The following CCDC92 variants were observed in gnomAD, a reference collection of about 807,000 sequenced individuals.
The protein encoded by CCDC92 is coiled-coil domain containing 92.
Under a neutral mutation model 24.9 loss-of-function variants are expected in CCDC92, and 12 were observed. That is an observed-to-expected ratio of 0.48 (90% CI 0.31 to 0.78). The LOEUF (loss-of-function observed/expected upper bound fraction) is 0.78. Ranked by LOEUF, CCDC92 falls within the 30% of genes least tolerant of loss-of-function variation. The probability of loss-of-function intolerance (pLI) is 0.05; values close to 1 mark genes in which losing one functional copy is unlikely to be tolerated. For missense variants in CCDC92, 399 were observed against 439.4 expected (o/e 0.91, Z 0.82); for synonymous variants, 193 against 196.3 (o/e 0.98, Z 0.14).
intron 1 of CCDC92, among the ~76,000 whole-genome samples, chr12:123,961,993 A>G (rs1956282218): frequency 6.6e-6 from 1 of 152,202 alleles, no homozygotes; most frequent in Non-Finnish European, 1.5e-5. Flanking sequence ...ATAAAAGTGC[A>G]TATCCCGCAC....
intron 1 of CCDC92, among the ~76,000 whole-genome samples, chr12:123,957,555 A>G (rs1257968345): frequency 1.3e-5 from 2 of 152,208 alleles, no homozygotes; most frequent in African/African-American, 4.8e-5. Flanking sequence ...CCCTGGGTCT[A>G]AGGCATCTGG....
At chr12:123,949,833 G>A (rs984251120) in intron 1 of CCDC92, among the ~76,000 whole-genome samples, 2 of 152,258 alleles carry the variant, frequency 1.3e-5, no homozygotes, top group African/African-American at 4.8e-5. Context: ...CAACGTGTCT[G>A]AGGAAGGCCC....
intron 1 of CCDC92, among the ~76,000 whole-genome samples, chr12:123,949,257 G>A (rs957468463): frequency 6.6e-6 from 1 of 152,242 alleles, no homozygotes; most frequent in Admixed American, 6.5e-5. Context: ...TGCACTTTCT[G>A]TGTCAAAAGG....
chr12:123,954,835 AGCGGGCG>A (rs1956113341), intron 1 of CCDC92, among the ~76,000 whole-genome samples: 1 of 152,258 alleles, frequency 6.6e-6, no homozygotes, highest in African/African-American at 2.4e-5. Flanking sequence ...CCAGGAGGCC[AGCGGGCG>A]GCAGACCCCA....
chr12:123,937,219 G>A lies in CCDC92; in HGVS notation c.835C>T (p.Pro279Ser), dbSNP rs769392304. 1.2e-6 allele frequency: 2 copies of A among 1,610,062 alleles called. No individual in the cohort carries two copies. The highest frequency in any genetic ancestry group is 2.2e-5 in the East Asian group (1 of 44,854). The part of the protein sequence containing the change: ...ASDRSGEQHS[P>S]AREKPHKAHV... ...GCCTTGTGCGGCTTTTCGCGGGCCG[G>A]GCTGTGCTGCTCGCCGCTTCGGTCG... The change falls in exon 5 of 5, where the codon CCG becomes TCG. Residue 279 changes from proline (P) to serine (S), a missense_variant. Physicochemically the swap from Pro to Ser is moderately conservative, Grantham distance 74. Coordinates refer to ENST00000238156, the MANE Select transcript of CCDC92 (RefSeq NM_025140.3). This position sits in a 1 kb window ranked among gnomAD's most constrained non-coding sequence, Gnocchi z 8.4.
At position 123,937,382 on chromosome 12, in the gene CCDC92, G is replaced by C. The variant is rs766488444; in HGVS notation, c.672C>G (p.Phe224Leu). Residue 224 changes from phenylalanine to leucine, a missense_variant, in exon 5 of 5, where the codon TTC (phenylalanine) becomes TTG (leucine). By Grantham distance (22) the Phe-to-Leu change is conservative (BLOSUM62 0). Coordinates refer to ENST00000238156, the MANE Select transcript of CCDC92 (RefSeq NM_025140.3). This position sits in a 1 kb window ranked among gnomAD's most constrained non-coding sequence, Gnocchi z 8.4. ...LHPEFEEVYR[F>L]GAESRKLLLR... ...AAAGGAGTTTCCTGCTCTCTGCCCC[G>C]AATCTGTAGACCTCTTCAAATTCCG... The C allele has an allele frequency of 1.2e-6, 2 of 1,614,022 alleles. No individual in the cohort carries two copies. The highest frequency in any genetic ancestry group is 1.7e-6 in the Non-Finnish European group (2 of 1,180,032).
chr12:123,948,073 A>C (rs944759225), intron 1 of CCDC92, among the ~76,000 whole-genome samples: 3 of 152,202 alleles, frequency 2.0e-5, no homozygotes, highest in Non-Finnish European at 4.4e-5. Context: ...TCTTGAAGTC[A>C]GTGAGACCAA....
rs530095843 is a variant in CCDC92, at chr12:123,944,427, G to A, written c.-59-63C>T. On this transcript the variant is annotated intron_variant, in intron 1 of 4. Transcript: ENST00000238156. ...TATTGTAAATACAGAACCTCAGAAT[G>A]CATTTTCCCTAATTTGCTATTCCAG... The A allele has an allele frequency of 1.4e-4, 126 of 925,558 alleles. 1 individual carries two copies. In the African/African-American group the frequency reaches 1.5e-3, roughly 11 times the overall value. 57.3% of individuals were successfully genotyped at this position (925,558 alleles called of 1,614,324 possible).
At chr12:123,965,776 C>T (rs1192461428) in intron 1 of CCDC92, among the ~76,000 whole-genome samples, 1 of 152,188 alleles carries the variant, frequency 6.6e-6, no homozygotes, top group Non-Finnish European at 1.5e-5. Context: ...CTGGTACACA[C>T]CAACAAGAAG....
At chr12:123,969,441 CTT>C (rs1429863505) in intron 1 of CCDC92, among the ~76,000 whole-genome samples, 3 of 142,044 alleles carry the variant, frequency 2.1e-5, no homozygotes, top group South Asian at 2.3e-4. Flanking sequence ...AGAATCATCT[CTT>C]ATATCATCTC....
chr12:123,950,479 A>G (rs1255135350), intron 1 of CCDC92, among the ~76,000 whole-genome samples: 1 of 152,238 alleles, frequency 6.6e-6, no homozygotes, highest in African/African-American at 2.4e-5. Context: ...ATACCAGCAA[A>G]GGTTCCTAGG....
intron 1 of CCDC92, among the ~76,000 whole-genome samples, chr12:123,959,305 T>G (rs1157893264): frequency 1.3e-5 from 2 of 152,226 alleles, no homozygotes; most frequent in East Asian, 3.9e-4. Context: ...ACACCAAATG[T>G]CTGACTGCCA....
intron 1 of CCDC92, among the ~76,000 whole-genome samples, chr12:123,948,099 G>A (rs982076892): frequency 3.9e-5 from 6 of 152,090 alleles, no homozygotes; most frequent in East Asian, 1.9e-4. Context: ...CACCAATTCC[G>A]GACACACTTC....
chr12:123,962,106 G>A (rs532186192), intron 1 of CCDC92, among the ~76,000 whole-genome samples: 14 of 151,836 alleles, frequency 9.2e-5, no homozygotes, highest in Non-Finnish European at 1.5e-4. Context: ...CTACTCTTTC[G>A]TGCCAGATGC....
chr12:123,965,345 A>G (rs1956367354), intron 1 of CCDC92, among the ~76,000 whole-genome samples: 1 of 152,220 alleles, frequency 6.6e-6, no homozygotes, highest in African/African-American at 2.4e-5. Context: ...TCTTCTCAAT[A>G]AAGAGGAATC....
chr12:123,964,652 A>G (rs1242317995), intron 1 of CCDC92, among the ~76,000 whole-genome samples: 1 of 152,224 alleles, frequency 6.6e-6, no homozygotes, highest in Non-Finnish European at 1.5e-5. Context: ...CACTTGCCTT[A>G]CAGAACAGCT....
At chr12:123,964,177 A>G (rs187205646) in intron 1 of CCDC92, among the ~76,000 whole-genome samples, 1 of 152,232 alleles carries the variant, frequency 6.6e-6, no homozygotes, top group South Asian at 2.1e-4. Flanking sequence ...AATAAAAACA[A>G]TTGCTCAGGT....
rs1201849816 is a variant in CCDC92 at position 123,966,172 on chromosome 12, T to C, written c.-60+6357A>G. ...CCAGATTGGATTGTAAATAAAGCTG[T>C]AAAGCCCTACACATTCATCAATGCC... On this transcript the variant is annotated intron_variant, in intron 1 of 4. Coordinates refer to ENST00000238156, the MANE Select transcript of CCDC92 (RefSeq NM_025140.3). 3 of 152,170 alleles carry C rather than the reference T, an allele frequency of 2.0e-5. No homozygotes were observed. In the East Asian group the frequency reaches 5.8e-4, roughly 29 times the overall value. The allele number at this position is 152,170 out of a possible 1,614,324, so 9.4% of individuals were successfully genotyped here.
chr12:123,969,461 GTTTTTTTT>G (rs60485501), intron 1 of CCDC92, among the ~76,000 whole-genome samples: 1 of 93,058 alleles, frequency 1.1e-5, no homozygotes, highest in African/African-American at 4.6e-5. Context: ...CTCTTATTCA[GTTTTTTTT>G]TTTTTTTTTT....
Sources: gnomAD v4.1 joint callset for allele counts (sites outside exome capture counted in the v4.1 genomes callset) on GRCh38, gnomAD v4.1.1 for gene constraint, Gnocchi (gnomAD v3.1) non-coding constraint, MANE v1.5 for transcripts, NCBI Gene and HGNC (gene_info 2026-07-23, HGNC 2026-07-21) for gene names.